Variants in SMYD3 observed in about 807,000 individuals in gnomAD.
SMYD3 encodes SET and MYND domain containing 3, also known as histone-lysine N-methyltransferase SMYD3.
In SMYD3, 36 loss-of-function variants were observed where a neutral mutation model predicts 57.7. The ratio of observed to expected loss-of-function variants is 0.62; its 90% confidence interval spans 0.48 to 0.82. SMYD3 has a LOEUF of 0.82. Among genes scored for constraint, SMYD3 ranks in the 40% least tolerant of loss-of-function variants. The pLI, the probability that SMYD3 is intolerant of heterozygous loss-of-function variation, is 0.00. For missense variants in SMYD3, 515 were observed against 538.8 expected (o/e 0.96, Z 0.44); for synonymous variants, 211 against 195.0 (o/e 1.08, Z -0.68).
At chr1:246,362,999 T>A (rs1416539071) in intron 1 of SMYD3, among the ~76,000 whole-genome samples, 2 of 134,476 alleles carry the variant, frequency 1.5e-5, no homozygotes, top group African/African-American at 5.7e-5. Context: ...CCAGCCGCCA[T>A]CCCATCTAGG....
At chr1:245,891,609 G>A (rs1264342815) in intron 8 of SMYD3, among the ~76,000 whole-genome samples, 1 of 152,230 alleles carries the variant, frequency 6.6e-6, no homozygotes, top group Non-Finnish European at 1.5e-5. Context: ...GTCGGGAACT[G>A]TAGGGGTGAA....
At chr1:246,100,336 G>A (rs1459564786) in intron 5 of SMYD3, among the ~76,000 whole-genome samples, 2 of 152,208 alleles carry the variant, frequency 1.3e-5, no homozygotes, top group African/African-American at 2.4e-5. Context: ...TGAAGAAATG[G>A]GAAAACATGT....
At chr1:246,312,946 G>A (rs891169117) in intron 5 of SMYD3, among the ~76,000 whole-genome samples, 23 of 151,996 alleles carry the variant, frequency 1.5e-4, no homozygotes, top group African/African-American at 4.6e-4. Flanking sequence ...ACCGAGTCTC[G>A]CTCTATTACC....
At chr1:245,961,236 G>C (rs981286905) in intron 5 of SMYD3, among the ~76,000 whole-genome samples, 1 of 152,048 alleles carries the variant, frequency 6.6e-6, no homozygotes, top group Non-Finnish European at 1.5e-5. Flanking sequence ...ATAGAAACAG[G>C]GTCAACCCTC....
At chr1:245,916,420 A>G (rs1301557779) in intron 7 of SMYD3, among the ~76,000 whole-genome samples, 1 of 152,174 alleles carries the variant, frequency 6.6e-6, no homozygotes, top group Non-Finnish European at 1.5e-5. Flanking sequence ...TCTCTTATGA[A>G]AGTCTAATTC....
At chr1:245,838,614 T>C (rs2050221966) in intron 10 of SMYD3, among the ~76,000 whole-genome samples, 2 of 152,168 alleles carry the variant, frequency 1.3e-5, no homozygotes, top group South Asian at 2.1e-4. Flanking sequence ...GAATGCCAAG[T>C]TGACAAATGC....
intron 1 of SMYD3, among the ~76,000 whole-genome samples, chr1:246,445,503 A>G (rs996334791): frequency 3.8e-4 from 58 of 152,344 alleles, no homozygotes; most frequent in African/African-American, 1.3e-3. Context: ...AGGGATAAAC[A>G]GCACTAGTAA....
chr1:246,248,642 T>TTTTTTG (rs1558348116), intron 5 of SMYD3, among the ~76,000 whole-genome samples: 1 of 118,268 alleles, frequency 8.5e-6, no homozygotes, highest in East Asian at 2.4e-4. Flanking sequence ...TTTCCTTTTT[T>TTTTTTG]TTTTTTTTTT....
intron 5 of SMYD3, among the ~76,000 whole-genome samples, chr1:246,313,558 T>G (rs12096668): frequency 0.16 from 24,026 of 152,190 alleles, 2,278 homozygotes; most frequent in East Asian, 0.39. Flanking sequence ...GATAAATTTT[T>G]CCTATAAGCA....
chr1:246,168,604 C>G (rs2062264333), intron 5 of SMYD3, among the ~76,000 whole-genome samples: 1 of 152,160 alleles, frequency 6.6e-6, no homozygotes, highest in African/African-American at 2.4e-5. Context: ...TTACAAGCTG[C>G]TGTACTTTAT....
chr1:245,982,508 A>G (rs932766228), intron 5 of SMYD3, among the ~76,000 whole-genome samples: 1 of 152,220 alleles, frequency 6.6e-6, no homozygotes, highest in Non-Finnish European at 1.5e-5. Context: ...TCAGTCTGAG[A>G]GTTGATCTAA....
At chr1:245,979,824 C>A (rs1000469155) in intron 5 of SMYD3, among the ~76,000 whole-genome samples, 3 of 152,212 alleles carry the variant, frequency 2.0e-5, no homozygotes, top group Non-Finnish European at 2.9e-5. Context: ...TTCCAATGCT[C>A]ACTATTCAGT....
chr1:246,298,674 C>T (rs2064838407), intron 5 of SMYD3, among the ~76,000 whole-genome samples: 1 of 151,786 alleles, frequency 6.6e-6, no homozygotes, highest in African/African-American at 2.4e-5. Flanking sequence ...ATGACTGGAC[C>T]ATCAAGAATA....
intron 1 of SMYD3, among the ~76,000 whole-genome samples, chr1:246,384,338 T>C (rs946818880): frequency 6.6e-6 from 1 of 152,050 alleles, no homozygotes; most frequent in Non-Finnish European, 1.5e-5. Flanking sequence ...TAAACAGAGA[T>C]GGACACACAC....
chr1:246,059,385 ACAGAAGAACTATT>A (rs2060211368), intron 5 of SMYD3, among the ~76,000 whole-genome samples: 1 of 152,232 alleles, frequency 6.6e-6, no homozygotes, highest in Non-Finnish European at 1.5e-5. Context: ...TTCTATACTA[ACAGAAGAACTATT>A]AAAAGTAGTT....
intron 1 of SMYD3, among the ~76,000 whole-genome samples, chr1:246,413,340 G>C (rs2067007139): frequency 1.3e-5 from 2 of 152,094 alleles, no homozygotes; most frequent in Admixed American, 6.5e-5. Flanking sequence ...TTAATCATTA[G>C]GCGGCACTCT....
intron 5 of SMYD3, among the ~76,000 whole-genome samples, chr1:246,071,292 C>T (rs966268769): frequency 4.6e-5 from 7 of 151,884 alleles, no homozygotes; most frequent in African/African-American, 1.5e-4. Context: ...AGGTGAGGTG[C>T]CAAAATGCCA....
chr1:246,119,799 C>T (rs377676943), intron 5 of SMYD3, among the ~76,000 whole-genome samples: 6 of 152,128 alleles, frequency 3.9e-5, no homozygotes, highest in South Asian at 2.1e-4. Context: ...CTGCCATGTA[C>T]GACATACACT....
At chr1:246,368,911 T>C (rs1286931440) in intron 1 of SMYD3, among the ~76,000 whole-genome samples, 1 of 152,202 alleles carries the variant, frequency 6.6e-6, no homozygotes, top group African/African-American at 2.4e-5. Context: ...TGACCTATAT[T>C]GGGACCTTGT....
Sources: allele counts gnomAD v4.1 joint callset (sites outside exome capture counted in the v4.1 genomes callset), GRCh38; gene constraint gnomAD v4.1.1; transcripts MANE v1.5; gene names NCBI Gene and HGNC (gene_info 2026-07-23, HGNC 2026-07-21).